Variants in FOXP1 observed in about 807,000 individuals in gnomAD.
The protein encoded by FOXP1 is forkhead box P1, also known as forkhead box protein P1.
In FOXP1, 15 loss-of-function variants were observed where a neutral mutation model predicts 98.2. The ratio of observed to expected loss-of-function variants is 0.15; its 90% CI spans 0.10 to 0.24. The LOEUF (loss-of-function observed/expected upper bound fraction) is 0.24, where lower values mean the gene tolerates loss of function less well. Among genes scored for constraint, FOXP1 ranks in the 10% least tolerant of loss-of-function variants. The pLI is 1.00. For synonymous variants in FOXP1, 371 were observed against 314.5 expected, an observed-to-expected ratio of 1.18 and a Z score of -1.90; for missense variants, 633 against 848.5, an observed-to-expected ratio of 0.75 and a Z score of 3.15.
At chr3:71,446,217 T>C (rs1374787766) in intron 3 of FOXP1, among the ~76,000 whole-genome samples, 1 of 152,184 alleles carries the variant, frequency 6.6e-6, no homozygotes, top group East Asian at 1.9e-4. Flanking sequence ...CCATAAAAGC[T>C]GCTGTCACTT....
chr3:71,288,168 C>T (rs1385526322), intron 5 of FOXP1: 8 of 152,244 alleles, frequency 5.3e-5, no homozygotes, highest in Non-Finnish European at 1.2e-4. Context: ...GTGTGAGCCA[C>T]CACGCAAGGC....
chr3:71,279,007 C>T (rs2071218642), intron 5 of FOXP1, among the ~76,000 whole-genome samples: 2 of 151,834 alleles, frequency 1.3e-5, no homozygotes, highest in South Asian at 4.2e-4. Flanking sequence ...GCCTGGCCAA[C>T]ATGGCGAAAC....
At chr3:71,034,265 G>A (rs974807409) in intron 11 of FOXP1, among the ~76,000 whole-genome samples, 5 of 152,150 alleles carry the variant, frequency 3.3e-5, no homozygotes, top group East Asian at 1.9e-4. Context: ...GACTTGATCC[G>A]GAGCTTAACC....
At chr3:71,553,089 G>C (rs536282462) in intron 2 of FOXP1, among the ~76,000 whole-genome samples, 1 of 151,850 alleles carries the variant, frequency 6.6e-6, no homozygotes, top group African/African-American at 2.4e-5. Context: ...CAGTATTTCT[G>C]GCCCATAATA....
intron 5 of FOXP1, among the ~76,000 whole-genome samples, chr3:71,243,512 A>C (rs901722982): frequency 6.6e-6 from 1 of 152,178 alleles, no homozygotes; most frequent in East Asian, 1.9e-4. Flanking sequence ...ATGTATTCAA[A>C]TCTGCTTGGG....
At chr3:71,099,957 A>C (rs1053667385) in intron 7 of FOXP1, among the ~76,000 whole-genome samples, 3 of 152,266 alleles carry the variant, frequency 2.0e-5, no homozygotes, top group African/African-American at 4.8e-5. Flanking sequence ...TTAAGGTTAC[A>C]GGGAAAAACA....
intron 9 of FOXP1, among the ~76,000 whole-genome samples, chr3:71,052,244 T>C (rs958474022): frequency 3.9e-5 from 6 of 152,116 alleles, no homozygotes; most frequent in Non-Finnish European, 7.4e-5. Flanking sequence ...AGCTCCATCC[T>C]GGCCCTCAGT....
intron 6 of FOXP1, among the ~76,000 whole-genome samples, chr3:71,133,916 C>T (rs912122630): frequency 5.9e-5 from 9 of 151,988 alleles, no homozygotes; most frequent in Non-Finnish European, 1.0e-4. Flanking sequence ...ATAGTATTTC[C>T]TAGTAAGTGC....
intron 5 of FOXP1, among the ~76,000 whole-genome samples, chr3:71,285,911 C>G (rs1476473278): frequency 1.3e-5 from 2 of 152,180 alleles, no homozygotes; most frequent in Non-Finnish European, 2.9e-5. Flanking sequence ...TTGGTCCTCT[C>G]TGAATCTATA....
At chr3:71,412,464 A>G (rs1046598317) in intron 3 of FOXP1, among the ~76,000 whole-genome samples, 1 of 152,124 alleles carries the variant, frequency 6.6e-6, no homozygotes, top group Non-Finnish European at 1.5e-5. Flanking sequence ...TTAAGGAGGG[A>G]AAAACATCAC....
chr3:71,406,740 G>C (rs745863653), intron 3 of FOXP1, among the ~76,000 whole-genome samples: 2 of 152,028 alleles, frequency 1.3e-5, no homozygotes, highest in African/African-American at 4.8e-5. Flanking sequence ...GAGCTCTTTG[G>C]GTTGTGTTAT....
At chr3:71,039,549 C>T (rs1400082518) in intron 11 of FOXP1, among the ~76,000 whole-genome samples, 1 of 152,166 alleles carries the variant, frequency 6.6e-6, no homozygotes, top group East Asian at 1.9e-4. Context: ...GCAGGCTCCA[C>T]AACAGCCGAT....
At chr3:71,500,292 C>T (rs1320784685) in intron 2 of FOXP1, among the ~76,000 whole-genome samples, 1 of 152,196 alleles carries the variant, frequency 6.6e-6, no homozygotes, top group East Asian at 1.9e-4. Context: ...GAAACCTTTT[C>T]GGTTTGTTTG....
chr3:71,487,784 T>C (rs1017701247), intron 3 of FOXP1, among the ~76,000 whole-genome samples: 11 of 152,364 alleles, frequency 7.2e-5, no homozygotes, highest in South Asian at 2.1e-4. Flanking sequence ...AAAATGTGTG[T>C]ATAATCCCGT....
intron 14 of FOXP1, among the ~76,000 whole-genome samples, chr3:70,983,672 CAGA>C (rs2039261034): frequency 6.6e-6 from 1 of 152,176 alleles, no homozygotes; most frequent in Non-Finnish European, 1.5e-5. Context: ...TCTCCAGGAG[CAGA>C]AGTTGTTCTC....
intron 5 of FOXP1, chr3:71,288,315 C>A (rs921493786): frequency 6.6e-6 from 1 of 152,102 alleles, no homozygotes; most frequent in Admixed American, 6.5e-5. Context: ...ATTAACCTAC[C>A]ATTTCCTGGA....
At chr3:71,015,002 G>T (rs1047446026) in intron 12 of FOXP1, among the ~76,000 whole-genome samples, 4 of 151,418 alleles carry the variant, frequency 2.6e-5, no homozygotes, top group African/African-American at 9.7e-5. Flanking sequence ...GGGGTGGGGG[G>T]AGAGGGGAGG....
At chr3:71,382,299 A>T (rs1375988087) in intron 3 of FOXP1, among the ~76,000 whole-genome samples, 1 of 152,114 alleles carries the variant, frequency 6.6e-6, no homozygotes, top group Non-Finnish European at 1.5e-5. Flanking sequence ...GGGAGGAAAA[A>T]AAAACAGGTC....
At chr3:71,272,356 C>A (rs932159799) in intron 5 of FOXP1, among the ~76,000 whole-genome samples, 2 of 152,144 alleles carry the variant, frequency 1.3e-5, no homozygotes, top group Non-Finnish European at 2.9e-5. Flanking sequence ...CTTCGATGTC[C>A]TCCTGAGGCT....
Sources: gnomAD v4.1 joint callset for allele counts (sites outside exome capture counted in the v4.1 genomes callset) on GRCh38, gnomAD v4.1.1 for gene constraint, MANE v1.5 for transcripts, NCBI Gene and HGNC (gene_info 2026-07-23, HGNC 2026-07-21) for gene names.